PRKCH: variants seen among roughly 807,000 people sequenced by gnomAD.
The protein encoded by PRKCH is protein kinase C eta, also known as protein kinase C eta type.
PRKCH carries 28 observed loss-of-function variants against 82.5 expected under a neutral mutation model. That is an observed-to-expected ratio of 0.34 (90% CI 0.25 to 0.47). PRKCH has a LOEUF of 0.47. Among genes scored for constraint, PRKCH ranks in the 20% least tolerant of loss-of-function variants. The probability of loss-of-function intolerance (pLI) is 1.00; values close to 1 mark genes in which losing one functional copy is unlikely to be tolerated. For missense variants in PRKCH, 705 were observed against 881.8 expected (o/e 0.80, Z 2.54); for synonymous variants, 322 against 327.4 (o/e 0.98, Z 0.18).
chr14:61,322,188 G>T lies in PRKCH; in HGVS notation c.87G>T (p.Leu29=). ...AVGLQPTRWS[L]RHSLFKKGHQ... is the part of the protein sequence containing the mutation. ...GGCTGCAGCCCACCCGCTGGTCCCT[G>T]CGCCACTCGCTCTTCAAGAAGGGCC... Residue 29 remains leucine (L), a synonymous_variant, in exon 1 of 14, where the codon CTG becomes CTT. Transcript: ENST00000332981. The T allele has an allele frequency of 6.2e-7, 1 of 1,612,296 alleles. No homozygotes were observed. The highest frequency in any genetic ancestry group is 1.1e-5 in the South Asian group (1 of 90,822).
intron 1 of PRKCH, among the ~76,000 whole-genome samples, chr14:61,363,084 G>A (rs1437522107): frequency 1.3e-5 from 2 of 152,216 alleles, no homozygotes; most frequent in Non-Finnish European, 2.9e-5. Context: ...ATGAGTGTCA[G>A]TGCATTAAAC....
chr14:61,374,233 C>A (rs1594635719), intron 1 of PRKCH, among the ~76,000 whole-genome samples: 1 of 152,178 alleles, frequency 6.6e-6, no homozygotes, highest in Admixed American at 6.5e-5. Flanking sequence ...ATGTCTTGGG[C>A]AGTTCTACTC....
chr14:61,229,304 C>G (rs2140058121), intron 1 of PRKCH, among the ~76,000 whole-genome samples: 1 of 152,250 alleles, frequency 6.6e-6, no homozygotes. Flanking sequence ...GCTAAGTATA[C>G]TGTACAATGG....
intron 2 of PRKCH, among the ~76,000 whole-genome samples, chr14:61,407,383 G>A (rs1193915303): frequency 2.0e-5 from 3 of 152,180 alleles, no homozygotes; most frequent in African/African-American, 7.2e-5. Context: ...AGGCACAGGA[G>A]AACATAACAA....
In PRKCH at chr14:61,529,153, G is replaced by C; in HGVS notation, c.1512G>C (p.Gly504=). ...CAGACTTCGGAATGTGCAAGGAGGG[G>C]ATTTGCAATGGTGTCACCACGGCCA... The part of the protein sequence containing the change: ...KLADFGMCKE[G]ICNGVTTATF... Residue 504 remains glycine (G), a synonymous_variant, in exon 11 of 14, where the codon GGG becomes GGC. Transcript: ENST00000332981. The C allele has an allele frequency of 6.2e-7, 1 of 1,614,070 alleles. No homozygotes were observed.
At chr14:61,428,282 C>T (rs574689309) in intron 2 of PRKCH, among the ~76,000 whole-genome samples, 2 of 152,104 alleles carry the variant, frequency 1.3e-5, no homozygotes, top group South Asian at 4.2e-4. Flanking sequence ...TATAGGTGCT[C>T]TGCACTCTAG....
At chr14:61,542,291 TC>T (rs1566936403) in intron 12 of PRKCH, among the ~76,000 whole-genome samples, 2 of 148,574 alleles carry the variant, frequency 1.3e-5, no homozygotes, top group African/African-American at 5.1e-5. Context: ...AGACTCCATA[TC>T]AAAAAAAAAC....
chr14:61,367,358 GTA>G (rs1187525063), intron 1 of PRKCH, among the ~76,000 whole-genome samples: 2,796 of 140,612 alleles, frequency 0.02, 89 homozygotes, highest in African/African-American at 0.074. Flanking sequence ...GTGTGTGTGT[GTA>G]TGTGTGTGTG....
At chr14:61,283,367 C>T (rs2045288398) in intron 1 of PRKCH, among the ~76,000 whole-genome samples, 1 of 152,082 alleles carries the variant, frequency 6.6e-6, no homozygotes, top group African/African-American at 2.4e-5. Context: ...AAGGAATGGT[C>T]AGCAGAGTTA....
rs1030842567 is a variant in PRKCH at position 61,218,483 on chromosome 14, C to A, written c.-19+30815C>A. ...GAATATGCTTTGCTAAGTAAATGAA[C>A]CAGATTTATGGGCACAAATGTATGC... On this transcript the variant is annotated intron_variant, in intron 1 of 3. Coordinates refer to the PRKCH transcript ENST00000555185. Among the ~76,000 whole-genome samples the A allele has an allele frequency of 7.9e-5, 12 of 152,198 alleles. No homozygotes were observed. The East Asian group carries it at 1.5e-3, about 20-fold the overall frequency.
chr14:61,508,769 G>T (rs1363204069), intron 10 of PRKCH, among the ~76,000 whole-genome samples: 1 of 152,066 alleles, frequency 6.6e-6, no homozygotes, highest in Non-Finnish European at 1.5e-5. Context: ...TAAGATGATT[G>T]AGTTTATCTT....
In PRKCH at chr14:61,273,714, G is replaced by A. The variant is rs145113494; in HGVS notation, c.-19+86046G>A. 3.8e-3 allele frequency among the ~76,000 whole-genome samples: 573 copies of A among 152,314 alleles called. 3 individuals are homozygous for A. Among genetic ancestry groups the A allele is most frequent in the African/African-American group, 0.013 (539 of 41,562 alleles). On this transcript the variant is annotated intron_variant, in intron 1 of 3. Coordinates refer to the PRKCH transcript ENST00000555185. The stretch of plus-strand genomic sequence containing the variant: ...CATTTCCATGCTGTTAAGAATATAC[G>A]TGCATTCTCAGCTGTCTTTAAGATC...
chr14:61,385,252 A>G (rs1448722842), intron 1 of PRKCH, among the ~76,000 whole-genome samples: 1 of 152,200 alleles, frequency 6.6e-6, no homozygotes, highest in Non-Finnish European at 1.5e-5. Flanking sequence ...CCAATGACAT[A>G]GGTAGCCTGA....
intron 7 of PRKCH, among the ~76,000 whole-genome samples, chr14:61,456,092 A>C: frequency 6.6e-6 from 1 of 152,216 alleles, no homozygotes; most frequent in East Asian, 1.9e-4. Flanking sequence ...ATACAGCTTA[A>C]GTTTATTGAA....
intron 1 of PRKCH, among the ~76,000 whole-genome samples, chr14:61,203,773 T>G (rs2044501086): frequency 6.6e-6 from 1 of 152,028 alleles, no homozygotes; most frequent in African/African-American, 2.4e-5. Context: ...CCCAGGAGGT[T>G]GAGGCTGCAG....
At chr14:61,399,485 G>A (rs1881482015) in intron 2 of PRKCH, among the ~76,000 whole-genome samples, 1 of 152,138 alleles carries the variant, frequency 6.6e-6, no homozygotes, top group Admixed American at 6.5e-5. Flanking sequence ...AAAGTACTGT[G>A]CTTCAGAAAG....
chr14:61,529,283 G>A lies in PRKCH; in HGVS notation c.1572+70G>A, dbSNP rs2043013127. 8 of 1,522,928 alleles carry A rather than the reference G, an allele frequency of 5.3e-6. No homozygotes were observed. The South Asian group carries it at 7.6e-5, about 15-fold the overall frequency. 94.3% of individuals were successfully genotyped at this position (1,522,928 alleles called of 1,614,324 possible). A position where few individuals can be genotyped will look rare whatever the true frequency, so the allele number is the denominator to read the frequency against. ...GTAACTCTGACCAGAAATGCCACTG[G>A]CTGCTTTTATGCACTGCAGCTTTGG... On this transcript the variant is annotated intron_variant, in intron 11 of 13. Transcript: ENST00000332981.
chr14:61,508,888 C>A (rs1041051447), intron 10 of PRKCH, among the ~76,000 whole-genome samples: 5 of 152,082 alleles, frequency 3.3e-5, no homozygotes, highest in Non-Finnish European at 7.4e-5. Flanking sequence ...CAGTCACAAC[C>A]TAGAGTCAAG....
intron 10 of PRKCH, among the ~76,000 whole-genome samples, chr14:61,515,474 T>C (rs1469538602): frequency 6.6e-6 from 1 of 152,326 alleles, no homozygotes; most frequent in Admixed American, 6.5e-5. Flanking sequence ...TTTTTGTCAT[T>C]GTACTGACCT....
Sources: gnomAD v4.1 joint callset for allele counts (sites outside exome capture counted in the v4.1 genomes callset) on GRCh38, gnomAD v4.1.1 for gene constraint, MANE v1.5 for transcripts, NCBI Gene and HGNC (gene_info 2026-07-23, HGNC 2026-07-21) for gene names.